Variants in HELZ2 observed in about 807,000 individuals in gnomAD.
HELZ2 encodes 3'-5' exoribonuclease HELZ2.
A neutral mutation model predicts 208.8 loss-of-function variants in HELZ2; 143 were observed. That is an observed-to-expected ratio of 0.68 (90% CI 0.60 to 0.79). HELZ2 has a LOEUF of 0.79. Ranked by LOEUF, HELZ2 falls within the 30% of genes least tolerant of loss-of-function variation. HELZ2 has a pLI of 0.00. For synonymous variants in HELZ2, 1,705 were observed against 1,693.7 expected, an observed-to-expected ratio of 1.01 and a Z score of -0.16; for missense variants, 3,690 against 3,794.5, an observed-to-expected ratio of 0.97 and a Z score of 0.72.
exon 8 of HELZ2, chr20:63,563,212 G>A: frequency 6.3e-7 from 1 of 1,581,380 alleles, no homozygotes; most frequent in African/African-American, 1.3e-5. Flanking sequence ...CCACCTCCAG[G>A]AAATGGCCAC....
At chr20:63,570,647 A>AGGGCCC in intron 2 of HELZ2, 36 bp from the exon 4 acceptor site, 1 of 1,497,342 alleles carries the variant, frequency 6.7e-7, no homozygotes, top group Non-Finnish European at 9.2e-7. Context: ...AGAGGCCTGG[A>AGGGCCC]CCCCACCCCA....
exon 5 of HELZ2, chr20:63,568,415 G>T: frequency 6.2e-7 from 1 of 1,609,372 alleles, no homozygotes; most frequent in East Asian, 2.2e-5. Flanking sequence ...GACCTCCAGG[G>T]AGGCCATGGC....
rs958382430 is a variant in HELZ2 at position 63,566,785 on chromosome 20, A to G, written c.2514+59T>C. On this transcript the variant is annotated intron_variant, in intron 6 of 18. Transcript: ENST00000467148. ...GCGGGGGCTCGTCCATCAGCCGGAGAGCTCCCCCTCCCCCAGCAGGGGTGC... is the reference window on the plus strand; with the variant it reads ...GCGGGGGCTCGTCCATCAGCCGGAGGGCTCCCCCTCCCCCAGCAGGGGTGC... The G allele has an allele frequency of 2.7e-6, 4 of 1,477,584 alleles. No individual in the cohort carries two copies. The African/African-American group carries it at 4.2e-5, about 15-fold the overall frequency. The allele number at this position is 1,477,584 out of a possible 1,614,324, so 91.5% of individuals were successfully genotyped here. A position where few individuals can be genotyped will look rare whatever the true frequency, so the allele number is the denominator to read the frequency against.
upstream of HELZ2, among the ~76,000 whole-genome samples, chr20:63,574,000 G>A (rs1037654372): frequency 2.0e-5 from 3 of 152,172 alleles, no homozygotes; most frequent in South Asian, 4.1e-4. The surrounding 1 kb of genome is among the most constrained non-coding windows in gnomAD (Gnocchi z 4.9). Flanking sequence ...GGTCCTGGAC[G>A]GGCTGCACTG....
intron 7 of HELZ2, 60 bp from the exon 9 acceptor site, chr20:63,566,291 C>A (rs1490113893): frequency 2.0e-6 from 3 of 1,501,008 alleles, no homozygotes; most frequent in African/African-American, 1.4e-5. Flanking sequence ...CCAGCCCCAC[C>A]CCTGCCGATG....
chr20:63,561,879 C>T (rs750872393), exon 11 of HELZ2: 3 of 1,573,470 alleles, frequency 1.9e-6, no homozygotes, highest in Admixed American at 3.7e-5. Flanking sequence ...GCAGGGACCC[C>T]CCAGCCGCTT....
exon 12 of HELZ2, chr20:63,561,628 C>G (rs143065747): frequency 6.2e-7 from 1 of 1,610,710 alleles, no homozygotes. Context: ...CCTCCCCTCC[C>G]GGGGGCTCTT....
exon 4 of HELZ2, chr20:63,569,531 G>C (rs955930876): frequency 3.7e-6 from 6 of 1,608,674 alleles, no homozygotes; most frequent in Non-Finnish European, 5.1e-6. Flanking sequence ...CTCCCACCTG[G>C]AAGTCGGCAG....
At chr20:63,574,013 C>T (rs2083035716), upstream of HELZ2, among the ~76,000 whole-genome samples, 1 of 152,036 alleles carries the variant, frequency 6.6e-6, no homozygotes, top group Non-Finnish European at 1.5e-5. Flanking sequence ...CTGCACTGCC[C>T]CGGGCTGGGT....
exon 8 of HELZ2, chr20:63,564,582 C>T (rs2082927870): frequency 1.3e-6 from 2 of 1,568,372 alleles, no homozygotes; most frequent in South Asian, 2.3e-5. Context: ...CTGAGGACGT[C>T]CTGGCAGAGG....
chr20:63,561,956 G>A (rs753286765), exon 11 of HELZ2: 8 of 1,599,994 alleles, frequency 5.0e-6, no homozygotes, highest in African/African-American at 1.3e-5. Context: ...AGAATACGAT[G>A]TGGAGGCCCA....
rs2082888607 is a variant in HELZ2, at chr20:63,561,647, G to T, written c.6790C>A (p.Leu2264Met). The T allele has an allele frequency of 2.5e-6, 4 of 1,612,322 alleles. No individual in the cohort carries two copies. In the East Asian group the frequency reaches 8.9e-5, roughly 36 times the overall value. Residue 2264 changes from leucine to methionine, a missense_variant, in exon 12 of 19, where the codon CTG (leucine) becomes ATG (methionine). Leu to Met is a conservative substitution (Grantham distance 15). Around this residue, in one of 3 missense-constraint regions of HELZ2, gnomAD observed 2,564 missense variants for 2,580.5 expected, o/e 0.99. Coordinates refer to ENST00000467148, the Ensembl canonical transcript of HELZ2. ...CCCTCCCGGGGGCTCTTCCTGAGCAGCTTCCTGCTGCCCACACGCGGCACT... is the reference window on the plus strand; with the variant it reads ...CCCTCCCGGGGGCTCTTCCTGAGCATCTTCCTGCTGCCCACACGCGGCACT...
exon 8 of HELZ2, chr20:63,566,227 C>T: frequency 6.7e-7 from 1 of 1,486,234 alleles, no homozygotes. Context: ...CCCGGAACTG[C>T]CGCCCTGCAG....
rs1308290262 is a variant in HELZ2, at chr20:63,564,892, CG to C, written c.3929del (p.Pro1310ArgfsTer32). On this transcript the variant is annotated frameshift_variant, in exon 8 of 19. Coordinates refer to ENST00000467148, the Ensembl canonical transcript of HELZ2. LOFTEE classifies it high-confidence loss of function. ...CCTTGGTGATGGTGGCCTGGTCCGACGGGGGCACCCTCAAGCTGTACTCCAG... is the reference window on the plus strand; with the variant it reads ...CCTTGGTGATGGTGGCCTGGTCCGACGGGGCACCCTCAAGCTGTACTCCAG... The C allele has an allele frequency of 1.9e-6, 3 of 1,612,292 alleles. No homozygotes were observed. Among genetic ancestry groups the C allele is most frequent in the Non-Finnish European group, 2.5e-6 (3 of 1,179,524 alleles).
downstream of HELZ2, chr20:63,558,938 C>T (rs1368820807): frequency 3.5e-6 from 1 of 283,088 alleles, no homozygotes; most frequent in Non-Finnish European, 6.7e-6. Context: ...AGGGCAGCCT[C>T]CACAGGGTTT....
chr20:63,564,529 G>A, exon 8 of HELZ2: 2 of 1,578,382 alleles, frequency 1.3e-6, no homozygotes, highest in Non-Finnish European at 1.7e-6. Context: ...TCTCCATGGT[G>A]AGGAACAGGG....
chr20:63,560,644 C>T, exon 16 of HELZ2: 1 of 1,610,326 alleles, frequency 6.2e-7, no homozygotes, highest in Non-Finnish European at 8.5e-7. Context: ...CCTGCCACGT[C>T]TTCAGCTTGC....
At chr20:63,559,051 C>T (rs1255241150), downstream of HELZ2, 3 of 582,080 alleles carry the variant, frequency 5.2e-6, no homozygotes, top group Non-Finnish European at 8.8e-6. Flanking sequence ...TCCCCAGATG[C>T]CCAGGAGGAG....
exon 19 of HELZ2, chr20:63,559,359 G>A: frequency 6.3e-7 from 1 of 1,597,660 alleles, no homozygotes; most frequent in Non-Finnish European, 8.5e-7. Context: ...CAGCGCAGAA[G>A]GAGGTGGTCT....
Sources: allele counts gnomAD v4.1 joint callset (sites outside exome capture counted in the v4.1 genomes callset), GRCh38; gene constraint gnomAD v4.1.1; regional missense constraint gnomAD v4.1.1; non-coding constraint Gnocchi (gnomAD v3.1); transcripts MANE v1.5; gene names NCBI Gene and HGNC (gene_info 2026-07-23, HGNC 2026-07-21).